The following WWOX variants were observed in gnomAD, a reference collection of about 807,000 sequenced individuals.
The protein encoded by WWOX is WW domain-containing oxidoreductase.
WWOX carries 69 observed loss-of-function variants against 46.2 expected under a neutral mutation model. That is an observed-to-expected ratio of 1.49 (90% CI 1.23 to 1.82). The LOEUF (loss-of-function observed/expected upper bound fraction) is 1.82. Ranked by LOEUF, WWOX falls within the 40% of genes most tolerant of loss-of-function variation. The pLI is 0.00. For synonymous variants in WWOX, 359 were observed against 202.6 expected, an observed-to-expected ratio of 1.77 and a Z score of -6.56; for missense variants, 919 against 542.6, an observed-to-expected ratio of 1.69 and a Z score of -6.89.
chr16:78,242,929 A>C (rs868839815), intron 5 of WWOX, among the ~76,000 whole-genome samples: 1 of 152,012 alleles, frequency 6.6e-6, no homozygotes, highest in Non-Finnish European at 1.5e-5. Context: ...AATTGCTTGA[A>C]CCTGGGAGGT....
chr16:78,533,930 G>C (rs2043693905), intron 8 of WWOX, among the ~76,000 whole-genome samples: 1 of 152,164 alleles, frequency 6.6e-6, no homozygotes, highest in East Asian at 1.9e-4. Flanking sequence ...CCAGTAACCA[G>C]TACAGTGCCA....
chr16:78,696,026 G>A (rs567242748), intron 8 of WWOX, among the ~76,000 whole-genome samples: 4 of 152,274 alleles, frequency 2.6e-5, no homozygotes, highest in Non-Finnish European at 5.9e-5. Context: ...CGAAGTGGGA[G>A]CCTGTAGGCT....
At chr16:78,202,147 C>G (rs1465678127) in intron 5 of WWOX, among the ~76,000 whole-genome samples, 2 of 152,172 alleles carry the variant, frequency 1.3e-5, no homozygotes, top group Non-Finnish European at 2.9e-5. Flanking sequence ...TGACATGGCT[C>G]CTGTACTCCC....
At chr16:78,867,785 C>G (rs987673914) in intron 8 of WWOX, among the ~76,000 whole-genome samples, 1 of 152,170 alleles carries the variant, frequency 6.6e-6, no homozygotes, top group Non-Finnish European at 1.5e-5. Flanking sequence ...TACTGCCAAT[C>G]TGAGGCCTTT....
At chr16:78,227,104 A>G (rs549336186) in intron 5 of WWOX, among the ~76,000 whole-genome samples, 5 of 152,298 alleles carry the variant, frequency 3.3e-5, no homozygotes, top group South Asian at 2.1e-4. Flanking sequence ...TGTGCTTGCA[A>G]TCACAGCCAC....
chr16:78,654,868 A>G (rs1020846745), intron 8 of WWOX, among the ~76,000 whole-genome samples: 1 of 151,688 alleles, frequency 6.6e-6, no homozygotes, highest in Non-Finnish European at 1.5e-5. Context: ...GCAGCAGTCA[A>G]ATTTTTTCTT....
chr16:78,688,016 C>T (rs2047901604), intron 8 of WWOX, among the ~76,000 whole-genome samples: 2 of 152,106 alleles, frequency 1.3e-5, no homozygotes, highest in South Asian at 4.2e-4. Flanking sequence ...GCTGCCGAAA[C>T]AGGAGTTATT....
chr16:78,815,480 T>C (rs1259860805), intron 8 of WWOX, among the ~76,000 whole-genome samples: 1 of 152,198 alleles, frequency 6.6e-6, no homozygotes, highest in Non-Finnish European at 1.5e-5. Context: ...AAACACTTCT[T>C]ACGTTACCCG....
intron 8 of WWOX, among the ~76,000 whole-genome samples, chr16:78,719,803 T>C (rs1211723012): frequency 2.0e-5 from 3 of 152,184 alleles, no homozygotes; most frequent in Non-Finnish European, 2.9e-5. Flanking sequence ...TTTTCTCTTA[T>C]TATAACAAAC....
In WWOX at chr16:78,626,427, G is replaced by C. The variant is rs112720151; in HGVS notation, c.1056+193675G>C. On this transcript the variant is annotated intron_variant, in intron 8 of 8. Coordinates refer to ENST00000566780, the MANE Select transcript of WWOX (RefSeq NM_016373.4). ...AGGAGTGCTGGTTGGGTATTCTGTA[G>C]GATGCTCCTGTGTTGGGATTTTTAT... Among the ~76,000 whole-genome samples, 26 of 152,276 alleles carry C rather than the reference G, an allele frequency of 1.7e-4. No homozygotes were observed. In the Middle Eastern group the frequency reaches 0.01, roughly 60 times the overall value.
chr16:78,286,332 T>C (rs1254864605), intron 5 of WWOX, among the ~76,000 whole-genome samples: 1 of 152,366 alleles, frequency 6.6e-6, no homozygotes, highest in South Asian at 2.1e-4. Flanking sequence ...TGTTTTGAAG[T>C]AGATTTTTTT....
Position 78,652,188 on chromosome 16 carries a change from G to T in WWOX, c.1056+219436G>T, listed in dbSNP as rs188760186. ...GCACTTTGGGAGGCTGAGGTGGGCA[G>T]ATCACGAGGTCAAGAGATCGAGACC... On this transcript the variant is annotated intron_variant, in intron 8 of 8. Coordinates refer to ENST00000566780, the MANE Select transcript of WWOX (RefSeq NM_016373.4). 2.9e-3 allele frequency among the ~76,000 whole-genome samples: 444 copies of T among 151,904 alleles called. 1 individual carries two copies. The highest frequency in any genetic ancestry group is 0.01 in the African/African-American group (425 of 41,390).
chr16:78,734,986 C>T (rs1270966331), intron 8 of WWOX, among the ~76,000 whole-genome samples: 1 of 150,018 alleles, frequency 6.7e-6, no homozygotes. Context: ...CTGCCTCAGC[C>T]TTCCCGAGTA....
In WWOX at chr16:78,405,714, A is replaced by G. The variant is rs556686896; in HGVS notation, c.605+18766A>G. On this transcript the variant is annotated intron_variant, in intron 6 of 8. Coordinates refer to ENST00000566780, the MANE Select transcript of WWOX (RefSeq NM_016373.4). The stretch of plus-strand genomic sequence containing the variant: ...CAGGAAATATCCTCTTTTAGGCACC[A>G]TCTCTGTCAAGGCTGATGCTGGGCT... Among the ~76,000 whole-genome samples the G allele has an allele frequency of 1.6e-4, 24 of 152,314 alleles. No homozygotes were observed. In the South Asian group the frequency reaches 4.8e-3, roughly 30 times the overall value.
intron 8 of WWOX, among the ~76,000 whole-genome samples, chr16:78,541,802 T>C (rs989654586): frequency 1.3e-5 from 2 of 152,064 alleles, no homozygotes; most frequent in Non-Finnish European, 2.9e-5. Flanking sequence ...ACTCAGCAAA[T>C]GGACTACTAT....
intron 8 of WWOX, among the ~76,000 whole-genome samples, chr16:78,625,545 G>C (rs1313771518): frequency 6.6e-6 from 1 of 152,020 alleles, no homozygotes; most frequent in Non-Finnish European, 1.5e-5. Flanking sequence ...GTGTGTAACA[G>C]CCAGTTTATC....
chr16:78,686,947 G>C (rs564794257), intron 8 of WWOX, among the ~76,000 whole-genome samples: 2 of 152,320 alleles, frequency 1.3e-5, no homozygotes, highest in East Asian at 3.9e-4. Flanking sequence ...AGCAGCTAAG[G>C]CTTGTGCCTT....
At chr16:78,913,018 T>G (rs1462298422) in intron 8 of WWOX, among the ~76,000 whole-genome samples, 1 of 152,052 alleles carries the variant, frequency 6.6e-6, no homozygotes, top group Non-Finnish European at 1.5e-5. Flanking sequence ...TCTCGAGTTG[T>G]CTCAGAGCAC....
chr16:78,605,100 A>G (rs925874906), intron 8 of WWOX, among the ~76,000 whole-genome samples: 1 of 149,820 alleles, frequency 6.7e-6, no homozygotes, highest in East Asian at 2.0e-4. Context: ...GGCAAACTTA[A>G]AAGTTGTTAA....
Sources: allele counts gnomAD v4.1 joint callset (sites outside exome capture counted in the v4.1 genomes callset), GRCh38; gene constraint gnomAD v4.1.1; transcripts MANE v1.5; gene names NCBI Gene and HGNC (gene_info 2026-07-23, HGNC 2026-07-21).